The following ELL variants were observed in gnomAD, a reference collection of about 807,000 sequenced individuals.
ELL encodes RNA polymerase II elongation factor ELL.
ELL carries 18 observed loss-of-function variants against 64.0 expected under a neutral mutation model. The observed-to-expected ratio is 0.28, with a 90% CI of 0.19 to 0.42. The LOEUF is 0.42. Ranked by LOEUF, ELL falls within the 10% of genes least tolerant of loss-of-function variation. The pLI is 1.00. For synonymous variants in ELL, 399 were observed against 376.2 expected (o/e 1.06, Z -0.70); for missense variants, 797 against 870.4 (o/e 0.92, Z 1.06).
At chr19:18,511,439 C>T (rs913022452) in intron 1 of ELL, among the ~76,000 whole-genome samples, 2 of 152,072 alleles carry the variant, frequency 1.3e-5, no homozygotes, top group Non-Finnish European at 2.9e-5. Context: ...GGGTATGTAT[C>T]CAAAAGAACT....
intron 1 of ELL, among the ~76,000 whole-genome samples, chr19:18,498,022 G>C (rs1340224400): frequency 6.6e-6 from 1 of 151,990 alleles, no homozygotes; most frequent in Non-Finnish European, 1.5e-5. Flanking sequence ...CAGCCACTAG[G>C]GATGCTGAGG....
chr19:18,449,816 C>T lies in ELL; in HGVS notation c.1465+661G>A, dbSNP rs1042351800. Among the ~76,000 whole-genome samples, 2 of 152,230 alleles carry T rather than the reference C, an allele frequency of 1.3e-5. No individual in the cohort carries two copies. Among genetic ancestry groups the T allele is most frequent in the African/African-American group, 4.8e-5 (2 of 41,456 alleles). On this transcript the variant is annotated intron_variant, in intron 8 of 11. Transcript: ENST00000262809. This position sits in a 1 kb window ranked among gnomAD's most constrained non-coding sequence, Gnocchi z 4.4. ...GCTTCTGCTGGTTCCTATAAATGAACAGCTGCGCAGGCTCATGGCCACGGT... is the reference window on the plus strand; with the variant it reads ...GCTTCTGCTGGTTCCTATAAATGAATAGCTGCGCAGGCTCATGGCCACGGT...
intron 1 of ELL, among the ~76,000 whole-genome samples, chr19:18,503,434 G>C (rs1337125224): frequency 6.6e-6 from 1 of 152,362 alleles, no homozygotes; most frequent in Admixed American, 6.5e-5. Flanking sequence ...CTGAGGAACT[G>C]AGCTGCCCGT....
intron 1 of ELL, among the ~76,000 whole-genome samples, chr19:18,505,054 C>T (rs1409173783): frequency 6.6e-6 from 1 of 152,182 alleles, no homozygotes. Context: ...AGGTTCAGGA[C>T]ATCTCACCCT....
At chr19:18,489,339 C>A (rs903565125) in intron 1 of ELL, among the ~76,000 whole-genome samples, 1 of 152,154 alleles carries the variant, frequency 6.6e-6, no homozygotes. Context: ...ACCACTTGAC[C>A]GCGGACAGAT....
chr19:18,457,338 GTA>G (rs1471320036), intron 6 of ELL, among the ~76,000 whole-genome samples: 2 of 152,188 alleles, frequency 1.3e-5, no homozygotes, highest in Non-Finnish European at 2.9e-5. Flanking sequence ...AGGACACAGG[GTA>G]TGAGGATGGG....
At chr19:18,502,296 G>A (rs1975795480) in intron 1 of ELL, among the ~76,000 whole-genome samples, 1 of 152,084 alleles carries the variant, frequency 6.6e-6, no homozygotes, top group African/African-American at 2.4e-5. Context: ...GAACAGCTGT[G>A]GGTACACAAA....
chr19:18,478,265 G>A (rs569680244), intron 1 of ELL, among the ~76,000 whole-genome samples: 1 of 152,268 alleles, frequency 6.6e-6, no homozygotes, highest in African/African-American at 2.4e-5. Context: ...AGGACAGAGG[G>A]TCAGGAACAG....
intron 1 of ELL, among the ~76,000 whole-genome samples, chr19:18,499,368 A>G (rs2144963015): frequency 6.6e-6 from 1 of 152,354 alleles, no homozygotes; most frequent in East Asian, 1.9e-4. Context: ...TGATGATCTA[A>G]CTTGCAAGGC....
rs1974499550 is a variant in ELL, at chr19:18,450,472, C to T, written c.1465+5G>A. ...CCGGCAACGCCCTCCTGCCTGGGCA[C>T]CTACCTGGGGTGTCTGCTGGGGCTC... On this transcript the variant is annotated splice_donor_5th_base_variant and intron_variant, in intron 8 of 11. Coordinates refer to ENST00000262809, the MANE Select transcript of ELL (RefSeq NM_006532.4). The T allele has an allele frequency of 6.2e-7, 1 of 1,610,876 alleles. No homozygotes were observed. Among genetic ancestry groups the T allele is most frequent in the Non-Finnish European group, 8.5e-7 (1 of 1,178,524 alleles).
In ELL at chr19:18,444,864, T is replaced by C. The variant is rs1974378366; in HGVS notation, c.1754A>G (p.Asn585Ser). Residue 585 changes from asparagine to serine, a missense_variant, in exon 12 of 12, where the codon AAC (asparagine) becomes AGC (serine). Physicochemically the swap from Asn to Ser is conservative, Grantham distance 46. Coordinates refer to ENST00000262809, the MANE Select transcript of ELL (RefSeq NM_006532.4). ...GTGCTTCTCCTGGCTGTAGTTGGTG[T>C]TGGTCTGTGGGACAGCACAGTCATG... ...LQEYRKIKKT[N>S]TNYSQEKHRC... 6.2e-7 allele frequency: 1 copy of C among 1,611,294 alleles called. No homozygotes were observed. Among genetic ancestry groups the C allele is most frequent in the Middle Eastern group, 1.9e-4 (1 of 5,306 alleles).
At chr19:18,462,449 T>C (rs752922993) in intron 4 of ELL, among the ~76,000 whole-genome samples, 8 of 145,806 alleles carry the variant, frequency 5.5e-5, no homozygotes, top group Non-Finnish European at 8.9e-5. Context: ...TGTAATACAA[T>C]CATGGCTCAT....
At chr19:18,477,864 G>A (rs1975212279) in intron 1 of ELL, among the ~76,000 whole-genome samples, 1 of 152,156 alleles carries the variant, frequency 6.6e-6, no homozygotes, top group South Asian at 2.1e-4. Flanking sequence ...TTCTTATGAT[G>A]TTTCTGCAAA....
In ELL at chr19:18,449,774, G is replaced by A. The variant is rs1237269258; in HGVS notation, c.1465+703C>T. Reference sequence around the variant, plus strand: ...TGTCGCACATGGTGGTGGAACAGCCGCTGCACGCTGGCCACTGCTTCTGCT... The same window carrying A: ...TGTCGCACATGGTGGTGGAACAGCCACTGCACGCTGGCCACTGCTTCTGCT... On this transcript the variant is annotated intron_variant, in intron 8 of 11. Coordinates refer to ENST00000262809, the MANE Select transcript of ELL (RefSeq NM_006532.4). This position sits in a 1 kb window ranked among gnomAD's most constrained non-coding sequence, Gnocchi z 4.4. Among the ~76,000 whole-genome samples, 3 of 152,220 alleles carry A rather than the reference G, an allele frequency of 2.0e-5. No individual in the cohort carries two copies. Among genetic ancestry groups the A allele is most frequent in the Non-Finnish European group, 2.9e-5 (2 of 68,040 alleles).
chr19:18,512,962 A>G (rs1976057624), intron 1 of ELL, among the ~76,000 whole-genome samples: 1 of 152,224 alleles, frequency 6.6e-6, no homozygotes, highest in Non-Finnish European at 1.5e-5. Context: ...GGGCGCAACA[A>G]CAGCATCTCA....
At chr19:18,484,642 GAACAAAACAA>G (rs775437570) in intron 1 of ELL, among the ~76,000 whole-genome samples, 5 of 152,028 alleles carry the variant, frequency 3.3e-5, no homozygotes, top group Non-Finnish European at 2.9e-5. Context: ...ACTGTCTTTA[GAACAAAACAA>G]AACAAAACAT....
chr19:18,468,533 T>C (rs1974999099), intron 2 of ELL, among the ~76,000 whole-genome samples: 1 of 152,110 alleles, frequency 6.6e-6, no homozygotes, highest in African/African-American at 2.4e-5. Flanking sequence ...GGTGCACAGG[T>C]GACATGGTGA....
At chr19:18,456,106 A>G (rs1465128032) in intron 6 of ELL, among the ~76,000 whole-genome samples, 1 of 152,164 alleles carries the variant, frequency 6.6e-6, no homozygotes, top group Non-Finnish European at 1.5e-5. Flanking sequence ...ACAAAAAAAA[A>G]AAAAAGAGAT....
At chr19:18,503,695 C>T (rs1389742152) in intron 1 of ELL, among the ~76,000 whole-genome samples, 1 of 152,128 alleles carries the variant, frequency 6.6e-6, no homozygotes, top group East Asian at 1.9e-4. Flanking sequence ...TTACTCTGGC[C>T]ACCTGGAGCC....
Sources: allele counts gnomAD v4.1 joint callset (sites outside exome capture counted in the v4.1 genomes callset), GRCh38; gene constraint gnomAD v4.1.1; non-coding constraint Gnocchi (gnomAD v3.1); transcripts MANE v1.5; gene names NCBI Gene and HGNC (gene_info 2026-07-23, HGNC 2026-07-21).